Variants in DPP10 observed in about 807,000 individuals in gnomAD.
DPP10 encodes the protein dipeptidyl peptidase like 10, also known as inactive dipeptidyl peptidase 10.
Under a neutral mutation model 120.9 loss-of-function variants are expected in DPP10, and 33 were observed. The ratio of observed to expected loss-of-function variants is 0.27; its 90% CI spans 0.21 to 0.37. The LOEUF (loss-of-function observed/expected upper bound fraction) is 0.37. Among genes scored for constraint, DPP10 ranks in the 10% least tolerant of loss-of-function variants. DPP10 has a pLI of 1.00. For synonymous variants in DPP10, 337 were observed against 326.1 expected (o/e 1.03, Z -0.36); for missense variants, 816 against 942.8 (o/e 0.87, Z 1.76).
At chr2:115,011,592 A>T (rs1027963024) in intron 1 of DPP10, among the ~76,000 whole-genome samples, 7 of 152,094 alleles carry the variant, frequency 4.6e-5, no homozygotes, top group African/African-American at 1.7e-4. Flanking sequence ...TAATGCTGGC[A>T]TAGTTTGTAT....
chr2:115,597,812 A>G (rs1234186525), intron 5 of DPP10, among the ~76,000 whole-genome samples: 3 of 151,978 alleles, frequency 2.0e-5, no homozygotes, highest in Non-Finnish European at 4.4e-5. Flanking sequence ...ATCAAATCAA[A>G]AGAGACTAAG....
intron 24 of DPP10, among the ~76,000 whole-genome samples, chr2:115,838,098 G>C (rs138148837): frequency 2.6e-4 from 39 of 152,264 alleles, no homozygotes; most frequent in South Asian, 1.7e-3. Context: ...GAAACTGGAG[G>C]ACGGGTATCC....
At chr2:114,673,618 G>C (rs547524309) in intron 1 of DPP10, among the ~76,000 whole-genome samples, 1 of 151,892 alleles carries the variant, frequency 6.6e-6, no homozygotes, top group South Asian at 2.1e-4. Context: ...ACCTCATCTG[G>C]CTAATTTTTG....
At chr2:114,888,554 A>G (rs1053528731) in intron 1 of DPP10, among the ~76,000 whole-genome samples, 2 of 152,244 alleles carry the variant, frequency 1.3e-5, no homozygotes, top group African/African-American at 4.8e-5. Context: ...AACACAAAGA[A>G]TTTAAAGTTG....
chr2:115,816,718 G>C (rs1370119601), intron 21 of DPP10, among the ~76,000 whole-genome samples: 1 of 148,870 alleles, frequency 6.7e-6, no homozygotes, highest in Non-Finnish European at 1.5e-5. Flanking sequence ...CCAGGTTCAA[G>C]CGATTCTCCT....
chr2:114,809,075 G>T (rs545092058), intron 1 of DPP10, among the ~76,000 whole-genome samples: 1 of 152,058 alleles, frequency 6.6e-6, no homozygotes, highest in Non-Finnish European at 1.5e-5. Flanking sequence ...GTGATAATAG[G>T]TGTTATGTTT....
chr2:115,244,239 T>TATATATAGAGAGAG (rs1348001277), intron 1 of DPP10, among the ~76,000 whole-genome samples: 1 of 93,474 alleles, frequency 1.1e-5, no homozygotes, highest in Non-Finnish European at 2.2e-5. Context: ...TATATATATA[T>TATATATAGAGAGAG]AGAGAGAGAG....
chr2:114,715,944 C>T (rs17043407), intron 1 of DPP10, among the ~76,000 whole-genome samples: 48,748 of 151,372 alleles, frequency 0.32, 8,729 homozygotes, highest in South Asian at 0.47. Flanking sequence ...AAGATGCTAC[C>T]AGATTACCAA....
intron 1 of DPP10, among the ~76,000 whole-genome samples, chr2:114,486,595 A>G (rs1681539584): frequency 6.6e-6 from 1 of 152,088 alleles, no homozygotes; most frequent in African/African-American, 2.4e-5. Flanking sequence ...TCTTCATTTG[A>G]CTGCTTCTTT....
intron 1 of DPP10, among the ~76,000 whole-genome samples, chr2:115,168,938 A>AC (rs1368117460): frequency 6.6e-6 from 1 of 152,218 alleles, no homozygotes; most frequent in East Asian, 1.9e-4. Flanking sequence ...TCTGTTCTGT[A>AC]ATTGATGTGA....
intron 1 of DPP10, among the ~76,000 whole-genome samples, chr2:115,214,505 A>C (rs903403377): frequency 3.3e-5 from 5 of 152,182 alleles, no homozygotes; most frequent in African/African-American, 1.2e-4. Flanking sequence ...TTTTCAATTA[A>C]TTGTACTTCA....
intron 1 of DPP10, among the ~76,000 whole-genome samples, chr2:114,838,667 C>T (rs930147369): frequency 6.6e-6 from 1 of 152,152 alleles, no homozygotes; most frequent in East Asian, 1.9e-4. Flanking sequence ...GAAAGGTATA[C>T]CCTCCAATTT....
intron 1 of DPP10, among the ~76,000 whole-genome samples, chr2:114,706,437 G>C (rs1018621716): frequency 6.6e-6 from 1 of 152,148 alleles, no homozygotes; most frequent in Non-Finnish European, 1.5e-5. Flanking sequence ...GACTCTAAAG[G>C]AGAATATATT....
chr2:115,310,905 A>G (rs2061550379), intron 2 of DPP10, among the ~76,000 whole-genome samples: 1 of 152,160 alleles, frequency 6.6e-6, no homozygotes, highest in African/African-American at 2.4e-5. Context: ...TCCTGGTTCT[A>G]GCATCCTTGG....
intron 19 of DPP10, among the ~76,000 whole-genome samples, chr2:115,798,691 C>A (rs1249007973): frequency 6.6e-6 from 1 of 151,934 alleles, no homozygotes; most frequent in African/African-American, 2.4e-5. Context: ...TGGGAAGAAA[C>A]TAATAATTAT....
At chr2:115,342,587 T>G (rs1439633152) in intron 2 of DPP10, among the ~76,000 whole-genome samples, 1 of 152,114 alleles carries the variant, frequency 6.6e-6, no homozygotes, top group African/African-American at 2.4e-5. Context: ...TCCTATCCTT[T>G]ACAGTACTGC....
At chr2:114,817,272 G>T (rs946876269) in intron 1 of DPP10, among the ~76,000 whole-genome samples, 2 of 149,242 alleles carry the variant, frequency 1.3e-5, no homozygotes. Context: ...TAGACCTATA[G>T]TGATAGGGGG....
intron 5 of DPP10, among the ~76,000 whole-genome samples, chr2:115,552,630 G>A (rs187780885): frequency 1.3e-5 from 2 of 151,908 alleles, no homozygotes; most frequent in Non-Finnish European, 2.9e-5. Context: ...GATAAAACAG[G>A]GGCAAATTTT....
chr2:115,755,669 A>G (rs1033874464), intron 11 of DPP10, among the ~76,000 whole-genome samples: 5 of 152,208 alleles, frequency 3.3e-5, no homozygotes, highest in South Asian at 2.1e-4. Context: ...TGGTACTGCT[A>G]TTATGGAAAA....
Sources: gnomAD v4.1 joint callset for allele counts (sites outside exome capture counted in the v4.1 genomes callset) on GRCh38, gnomAD v4.1.1 for gene constraint, MANE v1.5 for transcripts, NCBI Gene and HGNC (gene_info 2026-07-23, HGNC 2026-07-21) for gene names.